SBF2: variants seen among roughly 807,000 people sequenced by gnomAD.
SBF2 encodes SET binding factor 2, also known as myotubularin-related protein 13.
SBF2 carries 112 observed loss-of-function variants against 225.2 expected under a neutral mutation model. That is an observed-to-expected ratio of 0.50 (90% confidence interval 0.43 to 0.58). SBF2 has a LOEUF of 0.58. Among genes scored for constraint, SBF2 ranks in the 20% least tolerant of loss-of-function variants. The pLI is 0.00. For synonymous variants in SBF2, 763 were observed against 773.3 expected (o/e 0.99, Z 0.22); for missense variants, 1,996 against 2,206.2 (o/e 0.90, Z 1.91).
intron 1 of SBF2, among the ~76,000 whole-genome samples, chr11:10,232,803 C>T (rs1328472980): frequency 6.6e-6 from 1 of 152,122 alleles, no homozygotes; most frequent in South Asian, 2.1e-4. Flanking sequence ...AAGTTTATTT[C>T]CTAAATATGA....
chr11:10,126,348 T>C (rs1246537991), intron 2 of SBF2, among the ~76,000 whole-genome samples: 3 of 152,112 alleles, frequency 2.0e-5, no homozygotes, highest in African/African-American at 7.2e-5. Context: ...TCAATTATAT[T>C]TTGGTTTTCT....
intron 16 of SBF2, among the ~76,000 whole-genome samples, chr11:9,911,398 A>T (rs1421839440): frequency 6.6e-6 from 1 of 150,868 alleles, no homozygotes; most frequent in Non-Finnish European, 1.5e-5. Flanking sequence ...AAAAAAAAAA[A>T]TTGAAAACAC....
At chr11:9,980,781 T>C (rs1044674802) in intron 13 of SBF2, among the ~76,000 whole-genome samples, 2 of 150,934 alleles carry the variant, frequency 1.3e-5, no homozygotes, top group African/African-American at 4.9e-5. Flanking sequence ...GGTTTCACTG[T>C]GGTCTCGATC....
chr11:10,133,963 T>A (rs768872127), intron 2 of SBF2, among the ~76,000 whole-genome samples: 1 of 152,256 alleles, frequency 6.6e-6, no homozygotes, highest in Non-Finnish European at 1.5e-5. Context: ...GATAGGAACA[T>A]CTTACGTAAA....
At chr11:10,289,969 G>T (rs1314471736) in intron 1 of SBF2, among the ~76,000 whole-genome samples, 1 of 152,084 alleles carries the variant, frequency 6.6e-6, no homozygotes, top group Non-Finnish European at 1.5e-5. Context: ...GGGCACAGGG[G>T]ACCCACCAGC....
At chr11:10,275,094 G>A (rs1394325105) in intron 1 of SBF2, among the ~76,000 whole-genome samples, 2 of 152,110 alleles carry the variant, frequency 1.3e-5, no homozygotes, top group Admixed American at 6.6e-5. Context: ...TAGCCAGGGA[G>A]AAAGGATCAG....
chr11:10,238,425 T>A (rs1488424930), intron 1 of SBF2, among the ~76,000 whole-genome samples: 1 of 151,726 alleles, frequency 6.6e-6, no homozygotes, highest in Non-Finnish European at 1.5e-5. Flanking sequence ...TGAAAACAAA[T>A]AAAAATAACA....
chr11:9,830,754 A>C (rs796910375), intron 27 of SBF2, among the ~76,000 whole-genome samples: 12 of 151,606 alleles, frequency 7.9e-5, no homozygotes, highest in Admixed American at 2.0e-4. Context: ...ACAAAAAAAA[A>C]AAAACAAAAA....
chr11:9,804,450 A>G (rs1853672626), intron 32 of SBF2, among the ~76,000 whole-genome samples: 1 of 151,590 alleles, frequency 6.6e-6, no homozygotes, highest in African/African-American at 2.4e-5. Flanking sequence ...GATTTATTGA[A>G]GTGTTATTTA....
chr11:10,297,955 C>T (rs1275388029), upstream of SBF2, among the ~76,000 whole-genome samples: 2 of 152,256 alleles, frequency 1.3e-5, no homozygotes, highest in African/African-American at 4.8e-5. Flanking sequence ...CTACAATAAC[C>T]ACCATCACCT....
intron 2 of SBF2, among the ~76,000 whole-genome samples, chr11:10,078,548 A>G (rs558150204): frequency 6.6e-6 from 1 of 151,502 alleles, no homozygotes; most frequent in South Asian, 2.1e-4. Context: ...CAAACACCAC[A>G]TGTTCTCATT....
chr11:9,988,869 A>C (rs1471700812), intron 13 of SBF2, among the ~76,000 whole-genome samples: 3 of 152,180 alleles, frequency 2.0e-5, no homozygotes, highest in Non-Finnish European at 4.4e-5. Flanking sequence ...CTAAAAGTAG[A>C]ATTACCATTT....
intron 12 of SBF2, among the ~76,000 whole-genome samples, chr11:9,990,026 T>G (rs755428548): frequency 6.6e-6 from 1 of 152,202 alleles, no homozygotes; most frequent in Non-Finnish European, 1.5e-5. Flanking sequence ...ACTCCTAAGC[T>G]TCAGTTTTCT....
At chr11:10,020,800 A>T (rs1445565595) in intron 6 of SBF2, among the ~76,000 whole-genome samples, 1 of 152,192 alleles carries the variant, frequency 6.6e-6, no homozygotes, top group African/African-American at 2.4e-5. Flanking sequence ...TTTAAAACTG[A>T]AACAACTTGC....
At chr11:10,236,043 C>A (rs1206957801) in intron 1 of SBF2, among the ~76,000 whole-genome samples, 1 of 152,202 alleles carries the variant, frequency 6.6e-6, no homozygotes, top group Non-Finnish European at 1.5e-5. Flanking sequence ...CACACTCCAG[C>A]CTGGGCAACA....
chr11:10,149,152 T>G (rs1029960682), intron 2 of SBF2: 2 of 152,398 alleles, frequency 1.3e-5, no homozygotes, highest in South Asian at 4.2e-4. Flanking sequence ...ATCTGCTTTA[T>G]TTTTTTGCTT....
chr11:9,815,406 T>A (rs1854404824), intron 29 of SBF2, among the ~76,000 whole-genome samples: 1 of 148,452 alleles, frequency 6.7e-6, no homozygotes, highest in Non-Finnish European at 1.5e-5. Flanking sequence ...TGAGCCGAGA[T>A]CATGCTACTG....
intron 1 of SBF2, among the ~76,000 whole-genome samples, chr11:10,230,072 CTTCT>C (rs1451722070): frequency 7.2e-5 from 11 of 152,124 alleles, no homozygotes; most frequent in African/African-American, 1.9e-4. Context: ...ATGTAATGGC[CTTCT>C]TTGTCTCTTT....
At chr11:10,246,573 A>T (rs1959814349) in intron 1 of SBF2, among the ~76,000 whole-genome samples, 1 of 152,198 alleles carries the variant, frequency 6.6e-6, no homozygotes, top group Admixed American at 6.5e-5. Flanking sequence ...AAGAGCCACC[A>T]CACCCAGTTG....
Sources: gnomAD v4.1 joint callset for allele counts (sites outside exome capture counted in the v4.1 genomes callset) on GRCh38, gnomAD v4.1.1 for gene constraint, MANE v1.5 for transcripts, NCBI Gene and HGNC (gene_info 2026-07-23, HGNC 2026-07-21) for gene names.